The following PRKCA variants were observed in gnomAD, a reference collection of about 807,000 sequenced individuals.
The protein encoded by PRKCA is protein kinase C alpha type.
In PRKCA, 27 loss-of-function variants were observed where a neutral mutation model predicts 87.0. The ratio of observed to expected loss-of-function variants is 0.31; its 90% CI spans 0.23 to 0.43. PRKCA has a LOEUF of 0.43. Among genes scored for constraint, PRKCA ranks in the 20% least tolerant of loss-of-function variants. The pLI, the probability that PRKCA is intolerant of heterozygous loss-of-function variation, is 1.00. For synonymous variants in PRKCA, 329 were observed against 311.1 expected, an observed-to-expected ratio of 1.06 and a Z score of -0.61; for missense variants, 518 against 852.3, an observed-to-expected ratio of 0.61 and a Z score of 4.88.
chr17:66,797,036 A>G (rs1040370711), intron 16 of PRKCA: 23 of 940,554 alleles, frequency 2.4e-5, no homozygotes, highest in Non-Finnish European at 2.9e-5. Flanking sequence ...CATATTTCCC[A>G]TAATTCCCAT....
At chr17:66,646,013 T>G (rs554480369) in intron 5 of PRKCA, among the ~76,000 whole-genome samples, 15 of 152,326 alleles carry the variant, frequency 9.8e-5, no homozygotes, top group East Asian at 9.6e-4. Context: ...TCACATAGAT[T>G]AGTTATTTAG....
At chr17:66,658,077 G>A (rs990363674) in intron 5 of PRKCA, among the ~76,000 whole-genome samples, 2 of 152,174 alleles carry the variant, frequency 1.3e-5, no homozygotes, top group African/African-American at 4.8e-5. Context: ...GGAGGCCTCA[G>A]GAAACTTACG....
rs71160562 is a variant in PRKCA at position 66,361,315 on chromosome 17, AT to A, written c.205+55202del. Among the ~76,000 whole-genome samples the A allele has an allele frequency of 9.6e-4, 141 of 146,454 alleles. 1 individual carries two copies. The highest frequency in any genetic ancestry group is 8.9e-4 in the Non-Finnish European group (59 of 66,586). On this transcript the variant is annotated intron_variant, in intron 2 of 16. Transcript: ENST00000413366. ...GTCTTTCAAAAGACGCATACATTAGATTTTTTTTTTTTTTAGGACAGGGTCT... is the reference window on the plus strand; with the variant it reads ...GTCTTTCAAAAGACGCATACATTAGATTTTTTTTTTTTTAGGACAGGGTCT...
intron 2 of PRKCA, among the ~76,000 whole-genome samples, chr17:66,384,698 G>A (rs1040428727): frequency 2.0e-5 from 3 of 151,680 alleles, no homozygotes; most frequent in Non-Finnish European, 4.4e-5. Flanking sequence ...GTGCCATCTC[G>A]GCTCACTGCA....
At chr17:66,779,915 A>G (rs1975163131) in intron 14 of PRKCA, among the ~76,000 whole-genome samples, 1 of 152,176 alleles carries the variant, frequency 6.6e-6, no homozygotes, top group South Asian at 2.1e-4. Context: ...AAAGCACCTG[A>G]GTGACACGTT....
rs185131931 is a variant in PRKCA at position 66,338,007 on chromosome 17, C to A, written c.205+31880C>A. 2.4e-4 allele frequency among the ~76,000 whole-genome samples: 37 copies of A among 151,164 alleles called. 1 individual carries two copies. The highest frequency in any genetic ancestry group is 7.8e-4 in the African/African-American group (32 of 41,116). On this transcript the variant is annotated intron_variant, in intron 2 of 16. Coordinates refer to ENST00000413366, the MANE Select transcript of PRKCA (RefSeq NM_002737.3). ...GATTGAACCTGGGAATCTTCCCCCC[C>A]CTCCGCCCCCCTTAATTTCCAATTG...
intron 2 of PRKCA, among the ~76,000 whole-genome samples, chr17:66,478,658 C>T (rs1299295330): frequency 6.6e-6 from 1 of 152,010 alleles, no homozygotes; most frequent in Middle Eastern, 3.2e-3. Context: ...TTTTTAGTTT[C>T]TTAAGTAATA....
chr17:66,309,466 A>C (rs1168588094), intron 2 of PRKCA, among the ~76,000 whole-genome samples: 3 of 152,136 alleles, frequency 2.0e-5, no homozygotes, highest in Non-Finnish European at 4.4e-5. Flanking sequence ...TTATATTGCA[A>C]TATAGGTATA....
Position 66,641,403 on chromosome 17 carries a change from A to G in PRKCA, c.337A>G (p.Thr113Ala), listed in dbSNP as rs752262521. ...CAAAATCCACACTTACGGAAGCCCCACCTTCTGCGATCACTGTGGGTCACT... is the reference window on the plus strand; with the variant it reads ...CAAAATCCACACTTACGGAAGCCCCGCCTTCTGCGATCACTGTGGGTCACT... ...KFKIHTYGSP[T>A]FCDHCGSLLY... Residue 113 changes from threonine (T) to alanine (A), a missense_variant, in exon 4 of 17, where the codon ACC (threonine) becomes GCC (alanine). Physicochemically the swap from Thr to Ala is moderately conservative, Grantham distance 58. Transcript: ENST00000413366. 4 of 1,612,690 alleles carry G rather than the reference A, an allele frequency of 2.5e-6. No individual in the cohort carries two copies. The highest frequency in any genetic ancestry group is 2.5e-6 in the Non-Finnish European group (3 of 1,179,246).
chr17:66,739,944 C>T lies in PRKCA; in HGVS notation c.1322+1089C>T, dbSNP rs552190227. Reference sequence around the variant, plus strand: ...AGGAAATGGTAGAGGCTGGTGCAGGCGCTGGTGAGACCCTTTATAGATAAG... The same window carrying T: ...AGGAAATGGTAGAGGCTGGTGCAGGTGCTGGTGAGACCCTTTATAGATAAG... On this transcript the variant is annotated intron_variant, in intron 11 of 16. Coordinates refer to ENST00000413366, the MANE Select transcript of PRKCA (RefSeq NM_002737.3). 2.6e-5 allele frequency among the ~76,000 whole-genome samples: 4 copies of T among 152,004 alleles called. 1 individual carries two copies. Among genetic ancestry groups the T allele is most frequent in the Admixed American group, 2.0e-4 (3 of 15,268 alleles).
At chr17:66,494,699 CAA>C (rs1233521859) in intron 2 of PRKCA, among the ~76,000 whole-genome samples, 2 of 152,192 alleles carry the variant, frequency 1.3e-5, no homozygotes, top group Non-Finnish European at 2.9e-5. Context: ...TATTATTCAA[CAA>C]ATGATAAGAG....
chr17:66,402,900 G>T, intron 2 of PRKCA, among the ~76,000 whole-genome samples: 1 of 152,204 alleles, frequency 6.6e-6, no homozygotes, highest in East Asian at 1.9e-4. Flanking sequence ...ACAGTAAACA[G>T]AGTTGGATAG....
chr17:66,603,901 A>G (rs1044852758), intron 3 of PRKCA, among the ~76,000 whole-genome samples: 1 of 152,240 alleles, frequency 6.6e-6, no homozygotes, highest in Non-Finnish European at 1.5e-5. Flanking sequence ...TTCACTTAGT[A>G]TGAAGTCCTC....
chr17:66,607,159 T>C (rs898943232), intron 3 of PRKCA, among the ~76,000 whole-genome samples: 10 of 152,244 alleles, frequency 6.6e-5, no homozygotes, highest in Non-Finnish European at 1.5e-4. Flanking sequence ...AATCAAAAGA[T>C]GCCGGCTCTC....
At chr17:66,777,977 G>T (rs540373848) in intron 14 of PRKCA, 8 of 975,798 alleles carry the variant, frequency 8.2e-6, no homozygotes, top group Non-Finnish European at 9.7e-6. Flanking sequence ...AGTCCCCTTT[G>T]GGGGGTGCAT....
At chr17:66,502,588 C>G (rs528009533) in intron 3 of PRKCA, among the ~76,000 whole-genome samples, 1 of 151,970 alleles carries the variant, frequency 6.6e-6, no homozygotes, top group Non-Finnish European at 1.5e-5. Context: ...TACAAAGCAG[C>G]ACTTTGACAG....
chr17:66,524,172 A>G (rs1431607421), intron 3 of PRKCA, among the ~76,000 whole-genome samples: 1 of 152,152 alleles, frequency 6.6e-6, no homozygotes, highest in East Asian at 1.9e-4. Flanking sequence ...TTCAACAAAA[A>G]CATTTACTGC....
At chr17:66,661,268 G>A (rs533473095) in intron 5 of PRKCA, among the ~76,000 whole-genome samples, 9 of 138,014 alleles carry the variant, frequency 6.5e-5, no homozygotes, top group African/African-American at 2.4e-4. Context: ...TGCCACCCTG[G>A]ACCAATGGAC....
chr17:66,568,580 G>T (rs1389384762), intron 3 of PRKCA, among the ~76,000 whole-genome samples: 6 of 152,098 alleles, frequency 3.9e-5, no homozygotes, highest in Non-Finnish European at 8.8e-5. Flanking sequence ...CGTATAGCTG[G>T]TGTGGAGCTA....
Sources: allele counts gnomAD v4.1 joint callset (sites outside exome capture counted in the v4.1 genomes callset), GRCh38; gene constraint gnomAD v4.1.1; transcripts MANE v1.5; gene names NCBI Gene and HGNC (gene_info 2026-07-23, HGNC 2026-07-21).